The following PRICKLE2 variants were observed in gnomAD, a reference collection of about 807,000 sequenced individuals.
PRICKLE2 encodes the protein prickle-like protein 2.
Under a neutral mutation model 81.4 loss-of-function variants are expected in PRICKLE2, and 21 were observed. That is an observed-to-expected ratio of 0.26 (90% CI 0.18 to 0.37). The LOEUF is 0.37. Among genes scored for constraint, PRICKLE2 ranks in the 10% least tolerant of loss-of-function variants. PRICKLE2 has a pLI of 1.00. For synonymous variants in PRICKLE2, 456 were observed against 421.5 expected (o/e 1.08, Z -1.00); for missense variants, 940 against 1,109.0 (o/e 0.85, Z 2.16).
At chr3:64,237,816 T>C (rs910785559) in intron 2 of PRICKLE2, among the ~76,000 whole-genome samples, 2 of 152,144 alleles carry the variant, frequency 1.3e-5, no homozygotes, top group Non-Finnish European at 2.9e-5. Flanking sequence ...GGATGTATTG[T>C]ACAAAATTTA....
Position 64,135,992 on chromosome 3 carries a change from C to T in PRICKLE2, c.1660+10838G>A, listed in dbSNP as rs139470497. ...TTTCTGATGCAGTCCGTGATGATTCCAAAACCATCAAATGCTCTTGGCAAG... is the reference window on the plus strand; with the variant it reads ...TTTCTGATGCAGTCCGTGATGATTCTAAAACCATCAAATGCTCTTGGCAAG... On this transcript the variant is annotated intron_variant, in intron 7 of 7. Coordinates refer to ENST00000638394, the MANE Select transcript of PRICKLE2 (RefSeq NM_198859.4). 6.9e-3 allele frequency among the ~76,000 whole-genome samples: 1,050 copies of T among 152,138 alleles called. 5 individuals are homozygous for T. The highest frequency in any genetic ancestry group is 9.9e-3 in the Non-Finnish European group (672 of 68,012).
At chr3:64,192,364 A>G (rs1440741777) in intron 2 of PRICKLE2, among the ~76,000 whole-genome samples, 1 of 152,238 alleles carries the variant, frequency 6.6e-6, no homozygotes, top group Non-Finnish European at 1.5e-5. Flanking sequence ...GAAGCCAAAC[A>G]TTAAATAAAT....
intron 7 of PRICKLE2, chr3:64,103,268 A>G (rs552983798): frequency 6.6e-6 from 1 of 152,324 alleles, no homozygotes; most frequent in East Asian, 1.9e-4. Flanking sequence ...TAAACATCCT[A>G]CAGTGTGAAG....
intron 7 of PRICKLE2, among the ~76,000 whole-genome samples, chr3:64,129,525 G>A (rs1314637561): frequency 6.6e-6 from 1 of 151,820 alleles, no homozygotes; most frequent in Non-Finnish European, 1.5e-5. Context: ...GGGGGTGGGA[G>A]TCTCATGTTT....
intron 2 of PRICKLE2, among the ~76,000 whole-genome samples, chr3:64,184,463 G>A (rs2078186573): frequency 6.6e-6 from 1 of 152,074 alleles, no homozygotes; most frequent in Non-Finnish European, 1.5e-5. Context: ...TTTTAGTTAT[G>A]TTTAGTTATT....
chr3:64,147,314 G>A lies in PRICKLE2; in HGVS notation c.1176C>T (p.Pro392=). The part of the protein sequence containing the change: ...SSQTPSLNRD[P]IWRSREEPYH... The stretch of plus-strand genomic sequence containing the variant: ...AGGGCTCTTCCCGGCTCCTCCAGAT[G>A]GGGTCCCGGTTGAGGCTGGGTGTCT... Residue 392 remains proline (P), a synonymous_variant, in exon 7 of 8, where the codon CCC becomes CCT. Coordinates refer to ENST00000638394, the MANE Select transcript of PRICKLE2 (RefSeq NM_198859.4). The surrounding 1 kb of genome is among the most constrained non-coding windows in gnomAD (Gnocchi z 5.0). 5 of 1,613,920 alleles carry A rather than the reference G, an allele frequency of 3.1e-6. No homozygotes were observed. Among genetic ancestry groups the A allele is most frequent in the Non-Finnish European group, 4.2e-6 (5 of 1,179,868 alleles).
At chr3:64,251,886 C>T (rs2079451105) in intron 2 of PRICKLE2, among the ~76,000 whole-genome samples, 1 of 152,230 alleles carries the variant, frequency 6.6e-6, no homozygotes, top group African/African-American at 2.4e-5. Flanking sequence ...GCTCCTACTA[C>T]ATCCCAGCTC....
chr3:64,218,432 C>T (rs563383025), intron 1 of PRICKLE2, among the ~76,000 whole-genome samples: 11 of 152,150 alleles, frequency 7.2e-5, no homozygotes, highest in East Asian at 3.8e-4. Context: ...TAAGTTGTGA[C>T]GGTTCCAGAG....
chr3:64,193,697 G>A (rs1421119147), intron 2 of PRICKLE2, among the ~76,000 whole-genome samples: 1 of 152,152 alleles, frequency 6.6e-6, no homozygotes, highest in East Asian at 1.9e-4. Flanking sequence ...GTACCCAGTG[G>A]GAGGTAATTG....
At chr3:64,177,980 A>T (rs776217713) in intron 2 of PRICKLE2, among the ~76,000 whole-genome samples, 1 of 152,264 alleles carries the variant, frequency 6.6e-6, no homozygotes, top group Non-Finnish European at 1.5e-5. Flanking sequence ...ACTGCCAAAC[A>T]GTGCTCCAAA....
rs544695289 is a variant in PRICKLE2 at position 64,249,860 on chromosome 3, G to GT, written c.129-50894dup. On this transcript the variant is annotated intron_variant, in intron 2 of 8. Transcript: ENST00000295902. ...TAGTATAGCGCCTTGCACACAATAT[G>GT]TTTTTTACTAGAGAGCATGCATTGT... is the stretch of plus-strand genomic sequence containing the variant. Among the ~76,000 whole-genome samples, 720 of 152,296 alleles carry GT rather than the reference G, an allele frequency of 4.7e-3. 8 individuals carry two copies. Among genetic ancestry groups the GT allele is most frequent in the African/African-American group, 0.016 (682 of 41,556 alleles).
At chr3:64,181,192 G>A (rs969946569) in intron 2 of PRICKLE2, among the ~76,000 whole-genome samples, 3 of 152,074 alleles carry the variant, frequency 2.0e-5, no homozygotes, top group African/African-American at 4.8e-5. Context: ...ATAGAATTCC[G>A]TTTATACAGT....
Position 64,094,336 on chromosome 3 carries a change from T to C in PRICKLE2, c.*4715A>G, listed in dbSNP as rs139791258. On this transcript the variant is annotated 3_prime_UTR_variant, in exon 8 of 8. Coordinates refer to ENST00000638394, the MANE Select transcript of PRICKLE2 (RefSeq NM_198859.4). ...GACCTTACTGGTAAGTAACTCTCTC[T>C]GAAAAATTTAGAAAAGCTTGGTCAG... 86 of 152,318 alleles carry C rather than the reference T, an allele frequency of 5.6e-4. No individual in the cohort carries two copies. The highest frequency in any genetic ancestry group is 2.0e-3 in the African/African-American group (83 of 41,574). 9.4% of individuals were successfully genotyped at this position (152,318 alleles called of 1,614,324 possible).
intron 7 of PRICKLE2, among the ~76,000 whole-genome samples, chr3:64,138,311 A>T (rs2077307983): frequency 6.6e-6 from 1 of 152,196 alleles, no homozygotes; most frequent in Non-Finnish European, 1.5e-5. Context: ...CAGAGCTATC[A>T]TTCTCCTGGC....
At chr3:64,267,506 A>T (rs2079729189) in intron 2 of PRICKLE2, among the ~76,000 whole-genome samples, 1 of 152,172 alleles carries the variant, frequency 6.6e-6, no homozygotes, top group East Asian at 1.9e-4. Flanking sequence ...ATAGAAAATA[A>T]CTAGGTCATT....
intron 2 of PRICKLE2, among the ~76,000 whole-genome samples, chr3:64,183,456 T>C (rs1266759050): frequency 6.6e-6 from 1 of 152,128 alleles, no homozygotes; most frequent in Non-Finnish European, 1.5e-5. Flanking sequence ...GGTTATATTA[T>C]ATATTATATA....
intron 1 of PRICKLE2, among the ~76,000 whole-genome samples, chr3:64,217,219 T>C (rs2078886070): frequency 6.6e-6 from 1 of 152,054 alleles, no homozygotes; most frequent in African/African-American, 2.4e-5. Context: ...ACATCACTGG[T>C]ACTGAAAAGG....
At chr3:64,242,572 T>G (rs1237886633) in intron 2 of PRICKLE2, among the ~76,000 whole-genome samples, 1 of 152,258 alleles carries the variant, frequency 6.6e-6, no homozygotes, top group Admixed American at 6.5e-5. Context: ...AACAATGTAT[T>G]CTACAATAAA....
intron 2 of PRICKLE2, among the ~76,000 whole-genome samples, chr3:64,263,482 A>G (rs1454720812): frequency 6.6e-6 from 1 of 152,228 alleles, no homozygotes; most frequent in Non-Finnish European, 1.5e-5. Flanking sequence ...GGCTTTGTTC[A>G]GTCTCTGCCT....
Sources: gnomAD v4.1 joint callset for allele counts (sites outside exome capture counted in the v4.1 genomes callset) on GRCh38, gnomAD v4.1.1 for gene constraint, Gnocchi (gnomAD v3.1) non-coding constraint, MANE v1.5 for transcripts, NCBI Gene and HGNC (gene_info 2026-07-23, HGNC 2026-07-21) for gene names.